SLC2A7: variants seen among roughly 807,000 people sequenced by gnomAD.
SLC2A7 encodes the protein solute carrier family 2, facilitated glucose transporter member 7.
Under a neutral mutation model 50.5 loss-of-function variants are expected in SLC2A7, and 50 were observed. The ratio of observed to expected loss-of-function variants is 0.99; its 90% CI spans 0.79 to 1.25. The LOEUF (loss-of-function observed/expected upper bound fraction) is 1.25. Ranked by LOEUF, SLC2A7 falls within the 50% of genes most tolerant of loss-of-function variation. The pLI is 0.00. For synonymous variants in SLC2A7, 308 were observed against 300.4 expected, an observed-to-expected ratio of 1.03 and a Z score of -0.26; for missense variants, 683 against 679.1, an observed-to-expected ratio of 1.01 and a Z score of -0.06.
chr1:9,015,192 G>A lies in SLC2A7; in HGVS notation c.640C>T (p.Leu214=), dbSNP rs2124254160. The change falls in exon 6 of 12, where the codon CTG becomes TTG. Residue 214 remains leucine, a synonymous_variant. Transcript: ENST00000400906. ...CTTTCGGGGAAGAAGGGCAGGGTCA[G>A]CAGCTGCAGCAGGGCGGGCACCCCT... ...LTGVPALLQL[L]TLPFFPESPR... The A allele has an allele frequency of 2.5e-6, 4 of 1,610,664 alleles. No individual in the cohort carries two copies. Among genetic ancestry groups the A allele is most frequent in the Non-Finnish European group, 3.4e-6 (4 of 1,178,964 alleles).
intron 8 of SLC2A7, among the ~76,000 whole-genome samples, chr1:9,012,199 C>T (rs1392907286): frequency 6.6e-6 from 1 of 152,186 alleles, no homozygotes; most frequent in Non-Finnish European, 1.5e-5. Context: ...AGGATGGGAG[C>T]GAAGTGCACC....
At chr1:9,009,199 G>A (rs1294704958) in intron 9 of SLC2A7, among the ~76,000 whole-genome samples, 4 of 152,200 alleles carry the variant, frequency 2.6e-5, no homozygotes, top group Non-Finnish European at 5.9e-5. Flanking sequence ...CAATTGCGTT[G>A]CTGATATATT....
chr1:9,003,179 G>C lies in SLC2A7; in HGVS notation c.*121C>G. ...GGTATTTAATAATATCCATAATTAA[G>C]TTAAATGGGGGCAACGACAAAAGCC... On this transcript the variant is annotated 3_prime_UTR_variant, in exon 12 of 12. Transcript: ENST00000400906. The C allele has an allele frequency of 1.3e-6, 1 of 795,864 alleles. No individual in the cohort carries two copies. The highest frequency in any genetic ancestry group is 2.0e-6 in the Non-Finnish European group (1 of 501,072). 49.3% of individuals were successfully genotyped at this position (795,864 alleles called of 1,614,324 possible). A position where few individuals can be genotyped will look rare whatever the true frequency, so the allele number is the denominator to read the frequency against.
At chr1:9,005,317 G>T (rs1640640147) in intron 10 of SLC2A7, among the ~76,000 whole-genome samples, 2 of 152,180 alleles carry the variant, frequency 1.3e-5, no homozygotes, top group Admixed American at 1.3e-4. Context: ...TCTGGGTATG[G>T]CAGGGCCTGA....
chr1:9,009,561 A>G (rs578177257), intron 9 of SLC2A7, among the ~76,000 whole-genome samples: 1 of 152,284 alleles, frequency 6.6e-6, no homozygotes, highest in Admixed American at 6.5e-5. Context: ...GGCTCAGGTG[A>G]TCCTCCCACC....
downstream of SLC2A7, among the ~76,000 whole-genome samples, chr1:8,998,944 T>C (rs1640541831): frequency 1.3e-5 from 2 of 152,216 alleles, no homozygotes; most frequent in Non-Finnish European, 2.9e-5. Context: ...AGAGTAATTA[T>C]GGCTTCATAG....
chr1:9,023,565 G>C (rs1461431372), intron 2 of SLC2A7, among the ~76,000 whole-genome samples: 5 of 151,724 alleles, frequency 3.3e-5, no homozygotes, highest in Non-Finnish European at 5.9e-5. Flanking sequence ...CGAGATTGCG[G>C]CACTGCACTC....
downstream of SLC2A7, among the ~76,000 whole-genome samples, chr1:9,000,985 A>C (rs1017404523): frequency 3.9e-5 from 6 of 152,186 alleles, no homozygotes; most frequent in African/African-American, 1.4e-4. Context: ...ATTCCCACCG[A>C]GTCCTATCTG....
rs1640878374 is a variant in SLC2A7, at chr1:9,019,330, C to T, written c.315G>A (p.Lys105=). ...VGLLVDSCGR[K]GTLLINNIFA... ...AGATGTTGTTGATCAGCAGGGTCCC[C>T]TTTCTGCAAAGACAGTGAGCCCAGA... Residue 105 remains lysine, a synonymous_variant, in exon 4 of 12, where the codon AAG becomes AAA. Transcript: ENST00000400906. 6.2e-7 allele frequency: 1 copy of T among 1,613,838 alleles called. No individual in the cohort carries two copies. Among genetic ancestry groups the T allele is most frequent in the Non-Finnish European group, 8.5e-7 (1 of 1,179,906 alleles).
At chr1:9,009,054 C>T (rs563056448) in intron 9 of SLC2A7, among the ~76,000 whole-genome samples, 1 of 152,344 alleles carries the variant, frequency 6.6e-6, no homozygotes, top group South Asian at 2.1e-4. Context: ...CTCTTTCCCA[C>T]ATGGAGCTCT....
chr1:9,026,256 G>T (rs1198692248), intron 1 of SLC2A7, 39 bp downstream of exon 1: 1 of 1,599,110 alleles, frequency 6.3e-7, no homozygotes, highest in East Asian at 2.2e-5. Flanking sequence ...ACAGCTGGTG[G>T]GAGAGGGACA....
chr1:9,002,168 C>A (rs977081810), downstream of SLC2A7, among the ~76,000 whole-genome samples: 1 of 152,148 alleles, frequency 6.6e-6, no homozygotes, highest in Non-Finnish European at 1.5e-5. Flanking sequence ...TAAGGCTTCC[C>A]CCCATGGAGA....
chr1:9,004,088 G>A (rs972477449), intron 11 of SLC2A7, among the ~76,000 whole-genome samples: 1 of 151,644 alleles, frequency 6.6e-6, no homozygotes, highest in African/African-American at 2.4e-5. Flanking sequence ...CTGGTTGGGT[G>A]CTGTGGCTCA....
rs1640727975 is a variant in SLC2A7, at chr1:9,010,308, C to A, written c.1015-64G>T. ...TGGCGCCCACGGTTCTTGGGCCGAG[C>A]CTCCACTTCCTTTTGTGGGCCCCTC... On this transcript the variant is annotated intron_variant, in intron 8 of 11. Coordinates refer to ENST00000400906, the MANE Select transcript of SLC2A7 (RefSeq NM_207420.3). 3.0e-6 allele frequency: 4 copies of A among 1,317,952 alleles called. No individual in the cohort carries two copies. In the African/African-American group the frequency reaches 5.9e-5, roughly 19 times the overall value. The allele number at this position is 1,317,952 out of a possible 1,614,324, so 81.6% of individuals were successfully genotyped here. A position where few individuals can be genotyped will look rare whatever the true frequency, so the allele number is the denominator to read the frequency against.
At chr1:9,004,436 G>A (rs1019152873) in intron 11 of SLC2A7, among the ~76,000 whole-genome samples, 12 of 152,074 alleles carry the variant, frequency 7.9e-5, no homozygotes, top group Non-Finnish European at 1.3e-4. Flanking sequence ...TCTTGTCTTC[G>A]GAACAGAGGA....
At chr1:8,993,533 A>G in the SLC2A7 span, among the ~76,000 whole-genome samples, 2 of 152,218 alleles carry the variant, frequency 1.3e-5, no homozygotes, top group Non-Finnish European at 2.9e-5. Context: ...ATTTCGGGCC[A>G]CTGTAGATAT....
downstream of SLC2A7, among the ~76,000 whole-genome samples, chr1:9,002,164 T>C (rs1640583767): frequency 6.6e-6 from 1 of 152,136 alleles, no homozygotes; most frequent in African/African-American, 2.4e-5. Context: ...TGTCTAAGGC[T>C]TCCCCCCATG....
chr1:9,016,425 T>G (rs1232547574), intron 5 of SLC2A7, among the ~76,000 whole-genome samples: 3 of 152,138 alleles, frequency 2.0e-5, no homozygotes, highest in Non-Finnish European at 2.9e-5. Flanking sequence ...GACAACATAG[T>G]GAGACCCTTG....
intron 10 of SLC2A7, among the ~76,000 whole-genome samples, chr1:9,006,163 G>A (rs1640650974): frequency 6.6e-6 from 1 of 152,118 alleles, no homozygotes; most frequent in Non-Finnish European, 1.5e-5. Context: ...TTGGAACCCG[G>A]CCAGGTCTAC....
Sources: allele counts gnomAD v4.1 joint callset (sites outside exome capture counted in the v4.1 genomes callset), GRCh38; gene constraint gnomAD v4.1.1; transcripts MANE v1.5; gene names NCBI Gene and HGNC (gene_info 2026-07-23, HGNC 2026-07-21).